The following NTM variants were observed in gnomAD, a reference collection of about 807,000 sequenced individuals.
NTM encodes the protein IgLON family member 2.
NTM carries 13 observed loss-of-function variants against 42.1 expected under a neutral mutation model. The ratio of observed to expected loss-of-function variants is 0.31; its 90% CI spans 0.20 to 0.49. NTM has a LOEUF of 0.49. Among genes scored for constraint, NTM ranks in the 20% least tolerant of loss-of-function variants. NTM has a pLI of 0.99. For synonymous variants in NTM, 187 were observed against 179.2 expected (o/e 1.04, Z -0.35); for missense variants, 373 against 452.8 (o/e 0.82, Z 1.60).
chr11:132,255,459 G>A (rs934978468), intron 4 of NTM, among the ~76,000 whole-genome samples: 1 of 152,182 alleles, frequency 6.6e-6, no homozygotes, highest in African/African-American at 2.4e-5. Context: ...TCGGCTGCTC[G>A]AGGGAACTCT....
At chr11:131,912,419 G>GAGA (rs1029858685) in intron 2 of NTM, among the ~76,000 whole-genome samples, 4 of 148,102 alleles carry the variant, frequency 2.7e-5, no homozygotes, top group African/African-American at 9.9e-5. Flanking sequence ...ACTGGGGGAG[G>GAGA]AGAAGAAGAA....
chr11:132,309,302 C>T (rs1364093046), intron 5 of NTM, among the ~76,000 whole-genome samples: 1 of 152,202 alleles, frequency 6.6e-6, no homozygotes, highest in Non-Finnish European at 1.5e-5. Flanking sequence ...TGGTCACTTG[C>T]TCTGGTTTGA....
intron 4 of NTM, among the ~76,000 whole-genome samples, chr11:132,259,646 C>T (rs1257356346): frequency 6.6e-6 from 1 of 152,104 alleles, no homozygotes; most frequent in African/African-American, 2.4e-5. Context: ...CGCCACTGCA[C>T]TCCAGCCTGG....
intron 1 of NTM, among the ~76,000 whole-genome samples, chr11:131,591,046 C>T (rs2059320076): frequency 6.6e-6 from 1 of 152,222 alleles, no homozygotes; most frequent in Non-Finnish European, 1.5e-5. Flanking sequence ...AAATGAAATC[C>T]TTGGGCGTAG....
chr11:131,998,684 C>G (rs1190452396), intron 2 of NTM, among the ~76,000 whole-genome samples: 2 of 152,200 alleles, frequency 1.3e-5, no homozygotes, highest in Non-Finnish European at 2.9e-5. Flanking sequence ...TGCTTTCTCC[C>G]CATTGGTCCC....
At chr11:131,651,684 T>C (rs112511493) in intron 1 of NTM, among the ~76,000 whole-genome samples, 6,967 of 151,872 alleles carry the variant, frequency 0.046, 291 homozygotes, top group African/African-American at 0.12. Context: ...TTACTAAAAA[T>C]ACAAAAATTA....
intron 3 of NTM, among the ~76,000 whole-genome samples, chr11:132,163,023 C>A (rs925894565): frequency 6.6e-6 from 1 of 152,140 alleles, no homozygotes; most frequent in African/African-American, 2.4e-5. Context: ...AGAGAAGGAT[C>A]GGTTGTGAAA....
intron 1 of NTM, among the ~76,000 whole-genome samples, chr11:131,476,980 G>A (rs1953009076): frequency 6.6e-6 from 1 of 152,122 alleles, no homozygotes; most frequent in Non-Finnish European, 1.5e-5. Context: ...GGGGGCACTT[G>A]CTATGCATAC....
At chr11:131,995,530 T>C (rs527478357) in intron 2 of NTM, among the ~76,000 whole-genome samples, 1 of 151,780 alleles carries the variant, frequency 6.6e-6, no homozygotes, top group Admixed American at 6.5e-5. Context: ...CCAGGCAAAG[T>C]TGTAGGGGAG....
intron 1 of NTM, among the ~76,000 whole-genome samples, chr11:131,510,902 G>T (rs2048150961): frequency 6.6e-6 from 1 of 152,216 alleles, no homozygotes; most frequent in Non-Finnish European, 1.5e-5. Flanking sequence ...CTCTGCAGCA[G>T]CCAGTGCCTC....
intron 1 of NTM, among the ~76,000 whole-genome samples, chr11:131,746,365 C>G (rs2081829210): frequency 6.6e-6 from 1 of 152,170 alleles, no homozygotes; most frequent in African/African-American, 2.4e-5. Flanking sequence ...AAAACATTGC[C>G]CAATGGGGAG....
At chr11:132,245,962 CT>C (rs1194676227) in intron 4 of NTM, among the ~76,000 whole-genome samples, 12 of 152,176 alleles carry the variant, frequency 7.9e-5, no homozygotes. Flanking sequence ...GCGTCAGGAT[CT>C]TTTCTCCCCG....
At chr11:131,704,319 C>T (rs1200285437) in intron 1 of NTM, among the ~76,000 whole-genome samples, 1 of 152,184 alleles carries the variant, frequency 6.6e-6, no homozygotes. Flanking sequence ...GTCTTGCCCT[C>T]ACAGATCCAG....
intron 4 of NTM, among the ~76,000 whole-genome samples, chr11:132,248,838 C>T (rs2091569942): frequency 1.3e-5 from 2 of 152,240 alleles, no homozygotes; most frequent in Non-Finnish European, 2.9e-5. Context: ...TGCCAATCAC[C>T]ATTCAGATGC....
chr11:131,931,337 G>T (rs568776773), intron 2 of NTM, among the ~76,000 whole-genome samples: 1 of 152,074 alleles, frequency 6.6e-6, no homozygotes, highest in African/African-American at 2.4e-5. Context: ...TACTGGAGAG[G>T]CTGAGACAGG....
chr11:132,323,320 G>T (rs1471543519), intron 7 of NTM, among the ~76,000 whole-genome samples: 2 of 152,030 alleles, frequency 1.3e-5, no homozygotes, highest in Middle Eastern at 3.4e-3. Context: ...TCAAATAGAC[G>T]CAATAAAAAA....
intron 4 of NTM, among the ~76,000 whole-genome samples, chr11:132,226,033 G>C (rs1325348978): frequency 6.6e-6 from 1 of 152,096 alleles, no homozygotes; most frequent in Non-Finnish European, 1.5e-5. Context: ...CCCTACAAAG[G>C]ACATGAACTC....
chr11:131,777,113 A>G, intron 1 of NTM: 1 of 923,544 alleles, frequency 1.1e-6, no homozygotes, highest in Non-Finnish European at 1.3e-6. Context: ...TTATTGAAGG[A>G]AGTACTCAGT....
At chr11:131,414,171 C>A (rs1185921420) in intron 1 of NTM, among the ~76,000 whole-genome samples, 2 of 152,148 alleles carry the variant, frequency 1.3e-5, no homozygotes, top group Admixed American at 6.5e-5. Flanking sequence ...AAAGGTGGGG[C>A]AGCATGAAGC....
Sources: allele counts gnomAD v4.1 joint callset (sites outside exome capture counted in the v4.1 genomes callset), GRCh38; gene constraint gnomAD v4.1.1; transcripts MANE v1.5; gene names NCBI Gene and HGNC (gene_info 2026-07-23, HGNC 2026-07-21).